AMPH: variants seen among roughly 807,000 people sequenced by gnomAD.
AMPH encodes the protein amphiphysin.
AMPH carries 49 observed loss-of-function variants against 99.1 expected under a neutral mutation model. That is an observed-to-expected ratio of 0.49 (90% CI 0.39 to 0.63). The LOEUF is 0.63. Among genes scored for constraint, AMPH ranks in the 20% least tolerant of loss-of-function variants. The probability of loss-of-function intolerance (pLI) is 0.00; values close to 1 mark genes in which losing one functional copy is unlikely to be tolerated. For missense variants in AMPH, 759 were observed against 863.4 expected, an observed-to-expected ratio of 0.88 and a Z score of 1.52; for synonymous variants, 314 against 317.3, an observed-to-expected ratio of 0.99 and a Z score of 0.11.
chr7:38,392,291 T>C (rs951941412), intron 18 of AMPH, among the ~76,000 whole-genome samples: 5 of 149,408 alleles, frequency 3.3e-5, no homozygotes, highest in Admixed American at 2.0e-4. Flanking sequence ...GGAGGAGGGA[T>C]AGGGGATGGG....
chr7:38,394,551 G>A (rs1478568765), intron 17 of AMPH, among the ~76,000 whole-genome samples: 1 of 152,140 alleles, frequency 6.6e-6, no homozygotes, highest in Non-Finnish European at 1.5e-5. Context: ...TTTATTGGCT[G>A]GAAGCAACAA....
chr7:38,517,488 C>A (rs908548260), intron 2 of AMPH, among the ~76,000 whole-genome samples: 1 of 152,196 alleles, frequency 6.6e-6, no homozygotes, highest in Non-Finnish European at 1.5e-5. Context: ...GAGTGCCCCC[C>A]ATCCATGCTT....
intron 1 of AMPH, among the ~76,000 whole-genome samples, chr7:38,592,863 G>C (rs916999015): frequency 6.6e-6 from 1 of 152,170 alleles, no homozygotes; most frequent in Non-Finnish European, 1.5e-5. Flanking sequence ...CTTCACAGCT[G>C]AATAAATAGG....
chr7:38,528,246 T>C (rs931108574), intron 2 of AMPH, among the ~76,000 whole-genome samples: 21 of 152,188 alleles, frequency 1.4e-4, no homozygotes, highest in African/African-American at 5.1e-4. Context: ...ATCAAGGTAA[T>C]ACAGCCCACA....
intron 7 of AMPH, 33 bp downstream of exon 7, chr7:38,475,298 G>C: frequency 1.4e-6 from 2 of 1,401,484 alleles, no homozygotes; most frequent in East Asian, 2.3e-5. Context: ...TTTCTAAAAG[G>C]AACATGTGCA....
At chr7:38,620,338 G>A (rs1468401723) in intron 1 of AMPH, among the ~76,000 whole-genome samples, 2 of 28,520 alleles carry the variant, frequency 7.0e-5, no homozygotes, top group Non-Finnish European at 1.7e-4. Flanking sequence ...ATATATATAT[G>A]TGTGTGTGTG....
chr7:38,505,196 C>T (rs565344433), intron 2 of AMPH, among the ~76,000 whole-genome samples: 1 of 152,246 alleles, frequency 6.6e-6, no homozygotes, highest in Admixed American at 6.5e-5. Flanking sequence ...TACAAATAAA[C>T]TGACAAGAAA....
intron 5 of AMPH, among the ~76,000 whole-genome samples, chr7:38,482,551 G>C (rs1788326837): frequency 6.6e-6 from 1 of 151,996 alleles, no homozygotes; most frequent in Non-Finnish European, 1.5e-5. Context: ...CTTGTATTCT[G>C]AAATTACATG....
At chr7:38,529,451 C>T (rs937794759) in intron 2 of AMPH, among the ~76,000 whole-genome samples, 5 of 152,232 alleles carry the variant, frequency 3.3e-5, no homozygotes, top group African/African-American at 1.2e-4. Context: ...TCAGACATCA[C>T]CTGCATTGAA....
At chr7:38,498,717 A>G (rs1024060296) in intron 3 of AMPH, among the ~76,000 whole-genome samples, 2 of 152,132 alleles carry the variant, frequency 1.3e-5, no homozygotes, top group Admixed American at 6.6e-5. Flanking sequence ...CACAATAACT[A>G]TTTTTCTAAA....
intron 5 of AMPH, among the ~76,000 whole-genome samples, chr7:38,479,563 T>C (rs1260488569): frequency 6.6e-6 from 1 of 152,116 alleles, no homozygotes; most frequent in African/African-American, 2.4e-5. Flanking sequence ...ATAACTAATG[T>C]ATTGTGGGGT....
intron 1 of AMPH, among the ~76,000 whole-genome samples, chr7:38,624,546 T>TAAA (rs57099272): frequency 3.9e-4 from 51 of 130,272 alleles, no homozygotes; most frequent in African/African-American, 1.3e-3. Flanking sequence ...ACAGTCATGG[T>TAAA]AAAAAAAAAA....
At chr7:38,582,795 T>C (rs1009917157) in intron 1 of AMPH, among the ~76,000 whole-genome samples, 2 of 152,152 alleles carry the variant, frequency 1.3e-5, no homozygotes, top group African/African-American at 4.8e-5. Context: ...AGGGTCCTAG[T>C]CAAAAGCTGA....
At chr7:38,441,649 G>T (rs886940950) in intron 11 of AMPH, among the ~76,000 whole-genome samples, 1 of 151,166 alleles carries the variant, frequency 6.6e-6, no homozygotes, top group Non-Finnish European at 1.5e-5. Flanking sequence ...GCATTTGTGC[G>T]TTTGTCGCAG....
chr7:38,472,637 G>C (rs979635630), intron 7 of AMPH, among the ~76,000 whole-genome samples: 1 of 152,134 alleles, frequency 6.6e-6, no homozygotes, highest in East Asian at 1.9e-4. Context: ...TATTATGGTT[G>C]AGTAATCTGG....
chr7:38,385,059 GC>G (rs1268906581), intron 20 of AMPH, 134 bp from the exon 21 acceptor site: 2 of 723,898 alleles, frequency 2.8e-6, no homozygotes, highest in Non-Finnish European at 4.6e-6. Flanking sequence ...AAAGTGCTGT[GC>G]CGTGATCAAT....
chr7:38,628,779 C>T (rs1794349747), intron 1 of AMPH, among the ~76,000 whole-genome samples: 1 of 152,158 alleles, frequency 6.6e-6, no homozygotes, highest in African/African-American at 2.4e-5. Flanking sequence ...CTTATATGTA[C>T]ATTTCAGCCT....
intron 1 of AMPH, among the ~76,000 whole-genome samples, chr7:38,541,087 A>G (rs1307093340): frequency 1.3e-5 from 2 of 150,676 alleles, no homozygotes; most frequent in Non-Finnish European, 2.9e-5. Flanking sequence ...GTAGTTAATC[A>G]GGAGTAAACT....
intron 11 of AMPH, among the ~76,000 whole-genome samples, chr7:38,444,213 A>G (rs1166005760): frequency 6.6e-6 from 1 of 152,202 alleles, no homozygotes; most frequent in East Asian, 1.9e-4. Context: ...TACTGCGTCT[A>G]TGCGTCAGAT....
Sources: allele counts gnomAD v4.1 joint callset (sites outside exome capture counted in the v4.1 genomes callset), GRCh38; gene constraint gnomAD v4.1.1; transcripts MANE v1.5; gene names NCBI Gene and HGNC (gene_info 2026-07-23, HGNC 2026-07-21).